Variants in ZNF138 observed in about 807,000 individuals in gnomAD.
ZNF138 encodes zinc finger protein 138, also known as zinc finger protein 138 (clone pHZ-32).
ZNF138 carries 33 observed loss-of-function variants against 33.0 expected under a neutral mutation model. That is an observed-to-expected ratio of 1.00 (90% confidence interval 0.76 to 1.34). The LOEUF (loss-of-function observed/expected upper bound fraction) is 1.34, where lower values mean the gene tolerates loss of function less well. Ranked by LOEUF, ZNF138 falls within the 40% of genes most tolerant of loss-of-function variation. ZNF138 has a pLI of 0.00. For synonymous variants in ZNF138, 139 were observed against 120.4 expected, an observed-to-expected ratio of 1.15 and a Z score of -1.01; for missense variants, 360 against 370.8, an observed-to-expected ratio of 0.97 and a Z score of 0.24.
chr7:64,819,930 A>G (rs1378479340), intron 3 of ZNF138, among the ~76,000 whole-genome samples: 1 of 150,038 alleles, frequency 6.7e-6, no homozygotes, highest in East Asian at 2.0e-4. Context: ...TTTAATAGCC[A>G]GGCATGGTCT....
At position 64,833,104 on chromosome 7, in the gene ZNF138, G is replaced by T. The variant is rs539837407; in HGVS notation, c.*902G>T. 2.5e-5 allele frequency: 7 copies of T among 282,976 alleles called. No individual in the cohort carries two copies. The highest frequency in any genetic ancestry group is 5.0e-5 in the Non-Finnish European group (7 of 138,908). The allele number at this position is 282,976 out of a possible 1,614,324, so 17.5% of individuals were successfully genotyped here. On this transcript the variant is annotated 3_prime_UTR_variant, in exon 4 of 4. Coordinates refer to ENST00000307355, the MANE Select transcript of ZNF138 (RefSeq NM_001271639.2). ...AAACCTTGGAAATTCAAAGAATGTGGTAAAACTTACAATCCTCAAAACTTC... is the reference window on the plus strand; with the variant it reads ...AAACCTTGGAAATTCAAAGAATGTGTTAAAACTTACAATCCTCAAAACTTC...
Position 64,832,841 on chromosome 7 carries a change from T to TG in ZNF138, c.*640dup. On this transcript the variant is annotated 3_prime_UTR_variant, in exon 4 of 4. Coordinates refer to ENST00000307355, the MANE Select transcript of ZNF138 (RefSeq NM_001271639.2). ...ATACTAGAGAGAAACCCTACAAATG[T>TG]GAAGAATGTGGCATATCTTTTAACC... The TG allele has an allele frequency of 2.3e-6, 1 of 439,270 alleles. No homozygotes were observed. Among genetic ancestry groups the TG allele is most frequent in the South Asian group, 1.8e-5 (1 of 56,416 alleles). The allele number at this position is 439,270 out of a possible 1,614,324, so 27.2% of individuals were successfully genotyped here.
intron 3 of ZNF138, among the ~76,000 whole-genome samples, chr7:64,819,742 TA>T (rs1788961179): frequency 1.7e-3 from 1 of 578 alleles, no homozygotes. Context: ...TAAAAACTCA[TA>T]ACATAAAATT....
At chr7:64,838,402 G>C (rs527512266), downstream of ZNF138, among the ~76,000 whole-genome samples, 1 of 4,322 alleles carries the variant, frequency 2.3e-4, no homozygotes, top group Non-Finnish European at 0.012. Context: ...TGTTGGCTAG[G>C]GCACCGGCTG....
downstream of ZNF138, chr7:64,836,781 C>T (rs1744035910): frequency 6.6e-6 from 1 of 152,072 alleles, no homozygotes; most frequent in Admixed American, 6.5e-5. Flanking sequence ...TTTTTCTAGC[C>T]TGGCCTAGGG....
chr7:64,821,744 A>G lies in ZNF138; in HGVS notation c.208+6091A>G, dbSNP rs185911632. The stretch of plus-strand genomic sequence containing the variant: ...GTATTTTTAGTGGAGACAGGGTTTC[A>G]CCATGTTGGCCAGGCTGGTCTCCAA... On this transcript the variant is annotated intron_variant, in intron 3 of 3. Transcript: ENST00000307355. Among the ~76,000 whole-genome samples the G allele has an allele frequency of 9.3e-5, 14 of 150,684 alleles. 2 individuals are homozygous for G. Among genetic ancestry groups the G allele is most frequent in the African/African-American group, 2.2e-4 (9 of 40,450 alleles).
intron 1 of ZNF138, among the ~76,000 whole-genome samples, 174 bp from the exon 2 acceptor site, chr7:64,814,744 C>T (rs1788466701): frequency 6.6e-6 from 1 of 150,862 alleles, no homozygotes; most frequent in African/African-American, 2.4e-5. Context: ...GCGTGGGCAA[C>T]AGAGTGAGAC....
Position 64,825,259 on chromosome 7 carries a change from G to A in ZNF138, c.209-6192G>A, listed in dbSNP as rs1190797968. Among the ~76,000 whole-genome samples the A allele has an allele frequency of 2.2e-5, 3 of 138,224 alleles. No individual in the cohort carries two copies. The East Asian group carries it at 7.0e-4, about 32-fold the overall frequency. The allele number at this position is 138,224 out of a possible 152,430, so 90.7% of individuals were successfully genotyped here. A position where few individuals can be genotyped will look rare whatever the true frequency, so the allele number is the denominator to read the frequency against. ...GCGATCTCGGCTCACTGCAAGCTCT[G>A]CCTCCCGGGTTCACGCCATTCTTCT... On this transcript the variant is annotated intron_variant, in intron 3 of 3. Transcript: ENST00000307355.
intron 1 of ZNF138, among the ~76,000 whole-genome samples, chr7:64,803,821 A>G (rs979773071): frequency 6.6e-6 from 1 of 152,224 alleles, no homozygotes; most frequent in African/African-American, 2.4e-5. Context: ...AAAAGTTACT[A>G]TCAAATTATT....
rs569841069 is a variant in ZNF138 at position 64,832,444 on chromosome 7, A to T, written c.*242A>T. ...TGTAAAGAATGTGGAAAAGCTTTTC[A>T]CCGATACTCAATCCTTAGTACACAT... On this transcript the variant is annotated 3_prime_UTR_variant, in exon 4 of 4. Coordinates refer to ENST00000307355, the MANE Select transcript of ZNF138 (RefSeq NM_001271639.2). 2.1e-6 allele frequency: 3 copies of T among 1,425,830 alleles called. No homozygotes were observed. The highest frequency in any genetic ancestry group is 2.8e-6 in the Non-Finnish European group (3 of 1,076,374). 88.3% of individuals were successfully genotyped at this position (1,425,830 alleles called of 1,614,324 possible).
chr7:64,853,433 C>T, the ZNF138 span: 110 of 745,248 alleles, frequency 1.5e-4, no homozygotes, highest in African/African-American at 1.4e-3. Context: ...ATGGATCCAC[C>T]GGCTCGCTTT....
At chr7:64,823,289 A>T (rs1311344371) in intron 3 of ZNF138, among the ~76,000 whole-genome samples, 3 of 152,038 alleles carry the variant, frequency 2.0e-5, no homozygotes, top group Non-Finnish European at 4.4e-5. Flanking sequence ...TCCTAGGTTT[A>T]TTCAGTTTTG....
intron 3 of ZNF138, among the ~76,000 whole-genome samples, chr7:64,822,813 G>A (rs1052923726): frequency 6.6e-6 from 1 of 152,084 alleles, no homozygotes; most frequent in African/African-American, 2.4e-5. Flanking sequence ...TTAGAATTTT[G>A]TTAGAGATTA....
At chr7:64,822,462 AT>A (rs1417017468) in intron 3 of ZNF138, among the ~76,000 whole-genome samples, 1 of 151,452 alleles carries the variant, frequency 6.6e-6, no homozygotes, top group African/African-American at 2.4e-5. Context: ...TTAAAAAAAT[AT>A]TTTTTGTATG....
chr7:64,839,857 C>T, the ZNF138 span, among the ~76,000 whole-genome samples: 4 of 152,088 alleles, frequency 2.6e-5, no homozygotes, highest in African/African-American at 7.2e-5. Flanking sequence ...GGCGGAGAGG[C>T]GAGACAAAGA....
the ZNF138 span, among the ~76,000 whole-genome samples, chr7:64,841,561 CA>C: frequency 6.6e-6 from 1 of 152,172 alleles, no homozygotes; most frequent in Non-Finnish European, 1.5e-5. Flanking sequence ...GTGGAGATAA[CA>C]ATTGTTTTCA....
intron 1 of ZNF138, among the ~76,000 whole-genome samples, chr7:64,805,215 G>A (rs957855703): frequency 2.0e-5 from 3 of 152,058 alleles, no homozygotes; most frequent in Non-Finnish European, 2.9e-5. Context: ...TGACCAACAT[G>A]GTGAAACCCC....
At chr7:64,805,725 C>T (rs1444413449) in intron 1 of ZNF138, among the ~76,000 whole-genome samples, 3 of 152,220 alleles carry the variant, frequency 2.0e-5, no homozygotes, top group Non-Finnish European at 2.9e-5. Flanking sequence ...ATAAAGATAG[C>T]ACCCTCTTCA....
rs1462256254 is a variant in ZNF138, at chr7:64,831,788, A to C, written c.546A>C (p.Leu182=). Residue 182 remains leucine (L), a synonymous_variant, in exon 4 of 4, where the codon CTA becomes CTC. Transcript: ENST00000307355. ...CDKSLCMLSR[L]TQHKKIHTRE... The stretch of plus-strand genomic sequence containing the variant: ...AATCACTTTGCATGCTTTCACGCCT[A>C]ACTCAACATAAAAAAATTCATACTA... 2 of 1,613,618 alleles carry C rather than the reference A, an allele frequency of 1.2e-6. No homozygotes were observed. Among genetic ancestry groups the C allele is most frequent in the Admixed American group, 1.7e-5 (1 of 59,968 alleles).
Sources: gnomAD v4.1 joint callset for allele counts (sites outside exome capture counted in the v4.1 genomes callset) on GRCh38, gnomAD v4.1.1 for gene constraint, MANE v1.5 for transcripts, NCBI Gene and HGNC (gene_info 2026-07-23, HGNC 2026-07-21) for gene names.